Variants in NPAS3 observed in about 807,000 individuals in gnomAD.
NPAS3 encodes the protein neuronal PAS domain protein 3.
NPAS3 carries 14 observed loss-of-function variants against 73.1 expected under a neutral mutation model. The observed-to-expected ratio is 0.19, with a 90% CI of 0.13 to 0.30. The LOEUF is 0.30. Among genes scored for constraint, NPAS3 ranks in the 10% least tolerant of loss-of-function variants. NPAS3 has a pLI of 1.00. For missense variants in NPAS3, 1,096 were observed against 1,250.0 expected (o/e 0.88, Z 1.86); for synonymous variants, 620 against 541.5 (o/e 1.14, Z -2.01).
At chr14:33,526,804 C>A (rs991356934) in intron 4 of NPAS3, among the ~76,000 whole-genome samples, 3 of 152,044 alleles carry the variant, frequency 2.0e-5, no homozygotes, top group South Asian at 2.1e-4. Context: ...GCAGCCAAAG[C>A]GGCACATCAT....
At position 32,962,665 on chromosome 14, in the gene NPAS3, C is replaced by A. The variant is rs1186863927; in HGVS notation, c.50+23299C>A. Among the ~76,000 whole-genome samples the A allele has an allele frequency of 2.7e-5, 4 of 145,656 alleles. No homozygotes were observed. In the Admixed American group the frequency reaches 2.8e-4, roughly 10 times the overall value. Reference sequence around the variant, plus strand: ...TGGCTCACCACCTCCCGGGTTCAAGCAATTTTCCTGCCTTAGCCTCCTGAG... The same window carrying A: ...TGGCTCACCACCTCCCGGGTTCAAGAAATTTTCCTGCCTTAGCCTCCTGAG... On this transcript the variant is annotated intron_variant, in intron 1 of 11. Coordinates refer to ENST00000356141, the Ensembl canonical transcript of NPAS3.
intron 7 of NPAS3, 67 bp from the exon 8 acceptor site, chr14:33,774,270 A>G (rs1173896149): frequency 6.8e-6 from 9 of 1,320,776 alleles, no homozygotes; most frequent in Non-Finnish European, 9.6e-6. Context: ...TGCATTTCTC[A>G]TAAGAAATGC....
chr14:33,514,363 C>T (rs2053201580), intron 4 of NPAS3, among the ~76,000 whole-genome samples: 1 of 151,996 alleles, frequency 6.6e-6, no homozygotes. Context: ...AGCCTCTCAC[C>T]AAGTGAGGTT....
chr14:33,697,667 G>C (rs1160651324), intron 6 of NPAS3, among the ~76,000 whole-genome samples: 1 of 152,202 alleles, frequency 6.6e-6, no homozygotes, highest in Non-Finnish European at 1.5e-5. Context: ...GATGACTGAA[G>C]TGTGCCTCGA....
chr14:33,472,486 AAAAC>A (rs1176232735), intron 4 of NPAS3, among the ~76,000 whole-genome samples: 6 of 152,220 alleles, frequency 3.9e-5, no homozygotes, highest in Admixed American at 2.6e-4. Context: ...CTGTTTTTAA[AAAAC>A]AAACAAAAAG....
At chr14:33,476,743 A>T (rs1478494883) in intron 4 of NPAS3, among the ~76,000 whole-genome samples, 1 of 152,106 alleles carries the variant, frequency 6.6e-6, no homozygotes, top group Non-Finnish European at 1.5e-5. Context: ...TGGCTTTTCC[A>T]CCTGGCCCCT....
chr14:33,082,744 A>G (rs2041898723), intron 2 of NPAS3, among the ~76,000 whole-genome samples: 1 of 152,360 alleles, frequency 6.6e-6, no homozygotes, highest in South Asian at 2.1e-4. Flanking sequence ...TTAAAGCCCA[A>G]CTTATTTTCT....
At chr14:33,734,124 A>G (rs2061466397) in intron 6 of NPAS3, among the ~76,000 whole-genome samples, 1 of 152,124 alleles carries the variant, frequency 6.6e-6, no homozygotes, top group Non-Finnish European at 1.5e-5. Flanking sequence ...TATTACACAT[A>G]TTTCTTTGCC....
intron 6 of NPAS3, among the ~76,000 whole-genome samples, chr14:33,722,326 C>T (rs546435988): frequency 1.3e-5 from 2 of 152,144 alleles, no homozygotes; most frequent in Non-Finnish European, 2.9e-5. Context: ...CCATCACCAT[C>T]AGCAATATCC....
intron 6 of NPAS3, among the ~76,000 whole-genome samples, chr14:33,681,619 T>C (rs2059940428): frequency 6.6e-6 from 1 of 152,182 alleles, no homozygotes; most frequent in South Asian, 2.1e-4. Context: ...TATCTACATA[T>C]AGAGTAGCAA....
chr14:33,739,152 C>T (rs2061595796), intron 7 of NPAS3, among the ~76,000 whole-genome samples: 1 of 152,146 alleles, frequency 6.6e-6, no homozygotes. Context: ...TTATATAATG[C>T]TCGGAGTGTC....
intron 4 of NPAS3, among the ~76,000 whole-genome samples, chr14:33,559,577 G>A (rs1365788730): frequency 1.3e-5 from 2 of 152,166 alleles, no homozygotes; most frequent in Non-Finnish European, 2.9e-5. Context: ...GTACATGAAT[G>A]TAATGTATCT....
intron 4 of NPAS3, among the ~76,000 whole-genome samples, chr14:33,386,118 C>A (rs2046766123): frequency 6.6e-6 from 1 of 151,092 alleles, no homozygotes; most frequent in East Asian, 1.9e-4. Context: ...AAAGTTAGGA[C>A]CAAATAATTT....
intron 6 of NPAS3, among the ~76,000 whole-genome samples, chr14:33,676,857 ATAAATTAAGGC>A (rs2059784076): frequency 6.6e-6 from 1 of 152,218 alleles, no homozygotes; most frequent in Non-Finnish European, 1.5e-5. Context: ...ATGTGAACAG[ATAAATTAAGGC>A]TAAAAAGAAA....
chr14:33,221,998 G>A (rs991720322), intron 3 of NPAS3, among the ~76,000 whole-genome samples: 2 of 152,200 alleles, frequency 1.3e-5, no homozygotes, highest in Non-Finnish European at 2.9e-5. Flanking sequence ...CCAGGGAGAA[G>A]TGCATATTCT....
chr14:33,032,334 T>C (rs1470226240), intron 1 of NPAS3, among the ~76,000 whole-genome samples: 1 of 152,052 alleles, frequency 6.6e-6, no homozygotes, highest in African/African-American at 2.4e-5. Flanking sequence ...GAGATAGAAA[T>C]GGAGAGAGTA....
rs535705163 is a variant in NPAS3, at chr14:33,536,144, A to G, written c.469-23977A>G. 2.6e-5 allele frequency among the ~76,000 whole-genome samples: 4 copies of G among 152,272 alleles called. No homozygotes were observed. The East Asian group carries it at 7.7e-4, about 29-fold the overall frequency. The stretch of plus-strand genomic sequence containing the variant: ...ACTAAGCGTTCACCTCCAGCTCCCT[A>G]CCGTTCCACAGCAATAATCAAACCT... On this transcript the variant is annotated intron_variant, in intron 4 of 11. Transcript: ENST00000356141.
intron 4 of NPAS3, among the ~76,000 whole-genome samples, chr14:33,558,055 T>C (rs927330177): frequency 1.3e-5 from 2 of 152,234 alleles, no homozygotes; most frequent in African/African-American, 4.8e-5. Context: ...GCAAACTGCT[T>C]AGCACAGAAT....
intron 5 of NPAS3, among the ~76,000 whole-genome samples, chr14:33,648,078 A>T (rs1042902654): frequency 6.6e-6 from 1 of 152,080 alleles, no homozygotes; most frequent in Non-Finnish European, 1.5e-5. Flanking sequence ...TTTTGCCCCC[A>T]GGTTACAAGA....
Sources: gnomAD v4.1 joint callset for allele counts (sites outside exome capture counted in the v4.1 genomes callset) on GRCh38, gnomAD v4.1.1 for gene constraint, MANE v1.5 for transcripts, NCBI Gene and HGNC (gene_info 2026-07-23, HGNC 2026-07-21) for gene names.